The following GP6 variants were observed in gnomAD, a reference collection of about 807,000 sequenced individuals.
The protein encoded by GP6 is glycoprotein VI platelet.
Under a neutral mutation model 37.3 loss-of-function variants are expected in GP6, and 45 were observed. That is an observed-to-expected ratio of 1.21 (90% CI 0.95 to 1.55). GP6 has a LOEUF of 1.55. GP6 is among the 40% of genes most tolerant of loss of function. The pLI is 0.00. For synonymous variants in GP6, 340 were observed against 316.4 expected (o/e 1.07, Z -0.79); for missense variants, 813 against 760.2 (o/e 1.07, Z -0.82).
chr19:55,029,588 C>T (rs2074483470), intron 3 of GP6, among the ~76,000 whole-genome samples: 1 of 150,504 alleles, frequency 6.6e-6, no homozygotes, highest in Non-Finnish European at 1.5e-5. Flanking sequence ...CAGGGTTTCA[C>T]CATGTTAGCC....
chr19:55,026,586 AC>A (rs1243193424), intron 4 of GP6, among the ~76,000 whole-genome samples: 1 of 151,970 alleles, frequency 6.6e-6, no homozygotes, highest in Admixed American at 6.6e-5. Context: ...TTTGAAAGAA[AC>A]CCCCTTTAAG....
At chr19:55,032,890 GACTC>G (rs1568640344) in intron 1 of GP6, 68 of 377,874 alleles carry the variant, frequency 1.8e-4, no homozygotes, top group African/African-American at 8.2e-4. Flanking sequence ...AGACACGGTG[GACTC>G]GTTCGTGTTA....
chr19:55,026,571 T>C (rs2074310423), intron 4 of GP6, among the ~76,000 whole-genome samples: 1 of 151,848 alleles, frequency 6.6e-6, no homozygotes, highest in Admixed American at 6.6e-5. Flanking sequence ...GGTATGCTGC[T>C]CTTTTTTGAA....
At position 55,032,575 on chromosome 19, in the gene GP6, G is replaced by A. The variant is rs374086447; in HGVS notation, c.35-37C>T. ...AGAAAGGGACCAGATGCCAGGACTC[G>A]CTTTTATGGACATTCCTGCCTGCTG... On this transcript the variant is annotated intron_variant, in intron 1 of 7. Transcript: ENST00000310373. 28 of 1,610,694 alleles carry A rather than the reference G, an allele frequency of 1.7e-5. No individual in the cohort carries two copies. The African/African-American group carries it at 2.7e-4, about 15-fold the overall frequency.
Position 55,014,226 on chromosome 19 carries a change from C to G in GP6, c.1719G>C (p.Arg573Ser). 1 of 824,452 alleles carries G rather than the reference C, an allele frequency of 1.2e-6. No individual in the cohort carries two copies. The highest frequency in any genetic ancestry group is 2.1e-6 in the Non-Finnish European group (1 of 480,064). The allele number at this position is 824,452 out of a possible 1,614,324, so 51.1% of individuals were successfully genotyped here. A position where few individuals can be genotyped will look rare whatever the true frequency, so the allele number is the denominator to read the frequency against. ...TCAAGCCATTCTCCCACCTCAGCCCCCTGAGTTGCTGGGAGTATAGGGATG... is the reference window on the plus strand; with the variant it reads ...TCAAGCCATTCTCCCACCTCAGCCCGCTGAGTTGCTGGGAGTATAGGGATG... The change falls in exon 8 of 8, where the codon AGG (arginine) becomes AGC (serine). Residue 573 changes from arginine (R) to serine (S), a missense_variant. Arg to Ser is a moderately radical substitution (Grantham distance 110, BLOSUM62 -1). Coordinates refer to ENST00000310373, the MANE Select transcript of GP6 (RefSeq NM_001083899.2).
chr19:55,015,615 C>G (rs1568591375), intron 7 of GP6, 68 bp downstream of exon 7: 4 of 948,718 alleles, frequency 4.2e-6, no homozygotes, highest in Middle Eastern at 2.1e-4. Context: ...CCTGCGTAGA[C>G]AAAGGAGTTG....
intron 3 of GP6, among the ~76,000 whole-genome samples, chr19:55,030,381 T>C (rs1035380867): frequency 6.6e-6 from 1 of 151,554 alleles, no homozygotes; most frequent in Non-Finnish European, 1.5e-5. Context: ...GGAGTCTTGC[T>C]CTGTCGCCCA....
intron 1 of GP6, among the ~76,000 whole-genome samples, chr19:55,037,240 G>A (rs958065783): frequency 6.6e-6 from 1 of 151,918 alleles, no homozygotes; most frequent in Non-Finnish European, 1.5e-5. Flanking sequence ...AAATGCATTC[G>A]ACCTGCCACC....
intron 1 of GP6, among the ~76,000 whole-genome samples, chr19:55,034,069 C>T (rs1295714534): frequency 1.3e-5 from 2 of 151,656 alleles, no homozygotes; most frequent in East Asian, 3.9e-4. Flanking sequence ...TGTAAACCTA[C>T]ATCTATACAT....
intron 1 of GP6, among the ~76,000 whole-genome samples, chr19:55,034,237 A>G (rs540496056): frequency 4.3e-4 from 66 of 151,990 alleles, no homozygotes; most frequent in Admixed American, 1.2e-3. Context: ...GCTTGAGCCC[A>G]GGAGGTCAAG....
intron 1 of GP6, among the ~76,000 whole-genome samples, chr19:55,034,716 TAC>T (rs796869786): frequency 0.11 from 16,582 of 148,068 alleles, 1,041 homozygotes; most frequent in Admixed American, 0.21. Flanking sequence ...CCCTCATTCT[TAC>T]ACACACACAC....
chr19:55,018,814 T>C, intron 5 of GP6, 103 bp from the exon 6 acceptor site: 1 of 802,356 alleles, frequency 1.2e-6, no homozygotes, highest in Non-Finnish European at 2.3e-6. Flanking sequence ...AACCCCTTTC[T>C]CTGACACACT....
chr19:55,032,860 A>ACGGTGGACTCGTTCGTGTTAGACG (rs2074622416), intron 1 of GP6: 1 of 415,082 alleles, frequency 2.4e-6, no homozygotes, highest in East Asian at 4.1e-5. Flanking sequence ...CGTGTTAGAC[A>ACGGTGGACTCGTTCGTGTTAGACG]CGGTGGGCTC....
At chr19:55,030,971 C>A (rs911347519) in intron 3 of GP6, among the ~76,000 whole-genome samples, 2 of 152,120 alleles carry the variant, frequency 1.3e-5, no homozygotes, top group African/African-American at 2.4e-5. Flanking sequence ...GCCTCAGCCT[C>A]CTGAGTAGCT....
intron 6 of GP6, among the ~76,000 whole-genome samples, chr19:55,018,257 C>T (rs1298902682): frequency 6.6e-6 from 1 of 152,114 alleles, no homozygotes; most frequent in South Asian, 2.1e-4. Context: ...AGGCCTGGAG[C>T]GGTTAGAAGA....
Position 55,018,716 on chromosome 19 carries a change from G to A in GP6, c.665-5C>T, listed in dbSNP as rs202078231. ...CAGCGGTGGCTTCTGAGAATTCTAAGAAAGCAAAACAATGTTAGGTCTTCC... is the reference window on the plus strand; with the variant it reads ...CAGCGGTGGCTTCTGAGAATTCTAAAAAAGCAAAACAATGTTAGGTCTTCC... On this transcript the variant is annotated splice_polypyrimidine_tract_variant and splice_region_variant and intron_variant, in intron 5 of 7. Coordinates refer to ENST00000310373, the MANE Select transcript of GP6 (RefSeq NM_001083899.2). 313 of 1,602,120 alleles carry A rather than the reference G, an allele frequency of 2.0e-4. No homozygotes were observed. In the African/African-American group the frequency reaches 2.7e-3, roughly 14 times the overall value.
rs1273265217 is a variant in GP6 at position 55,027,852 on chromosome 19, G to C, written c.336C>G (p.Ala112=). ...CGGGCTGGGCTGAGAGCGAGGGTTTGGCAAAAACTCCTGGGAGAAAAAGAA... is the reference window on the plus strand; with the variant it reads ...CGGGCTGGGCTGAGAGCGAGGGTTTCGCAAAAACTCCTGGGAGAAAAAGAA... Residue 112 remains alanine, a synonymous_variant, in exon 4 of 8, where the codon GCC becomes GCG. Transcript: ENST00000310373. 3 of 1,614,052 alleles carry C rather than the reference G, an allele frequency of 1.9e-6. No homozygotes were observed. The highest frequency in any genetic ancestry group is 2.5e-6 in the Non-Finnish European group (3 of 1,180,012).
chr19:55,021,312 C>G (rs1165347544), intron 5 of GP6, among the ~76,000 whole-genome samples: 4 of 149,510 alleles, frequency 2.7e-5, no homozygotes, highest in African/African-American at 9.8e-5. Context: ...TGCAGTGAGC[C>G]GAGATCGCAC....
intron 5 of GP6, among the ~76,000 whole-genome samples, chr19:55,021,077 G>T (rs956604913): frequency 7.1e-6 from 1 of 140,446 alleles, no homozygotes. Flanking sequence ...AAAAAAGGTG[G>T]CCCTGGTGCG....
Sources: allele counts gnomAD v4.1 joint callset (sites outside exome capture counted in the v4.1 genomes callset), GRCh38; gene constraint gnomAD v4.1.1; transcripts MANE v1.5; gene names NCBI Gene and HGNC (gene_info 2026-07-23, HGNC 2026-07-21).